Variants in PRELID2 observed in about 807,000 individuals in gnomAD.
The protein encoded by PRELID2 is PRELI domain containing 2.
PRELID2 carries 25 observed loss-of-function variants against 28.4 expected under a neutral mutation model. The ratio of observed to expected loss-of-function variants is 0.88; its 90% CI spans 0.64 to 1.23. The LOEUF (loss-of-function observed/expected upper bound fraction) is 1.23. Among genes scored for constraint, PRELID2 ranks in the 50% most tolerant of loss-of-function variants. PRELID2 has a pLI of 0.00. For synonymous variants in PRELID2, 76 were observed against 71.6 expected, an observed-to-expected ratio of 1.06 and a Z score of -0.31; for missense variants, 201 against 214.4, an observed-to-expected ratio of 0.94 and a Z score of 0.39.
the PRELID2 span, among the ~76,000 whole-genome samples, chr5:145,342,841 C>T: frequency 2.1e-5 from 3 of 142,768 alleles, no homozygotes; most frequent in Non-Finnish European, 4.5e-5. Context: ...CAAATGAATA[C>T]CAAAAGTGAG....
chr5:145,297,015 C>G, the PRELID2 span, among the ~76,000 whole-genome samples: 1 of 152,064 alleles, frequency 6.6e-6, no homozygotes, highest in African/African-American at 2.4e-5. Context: ...TGTTCATGTC[C>G]TTCGCCCACT....
the PRELID2 span, among the ~76,000 whole-genome samples, chr5:145,395,525 C>G: frequency 3.3e-5 from 5 of 152,228 alleles, no homozygotes; most frequent in South Asian, 1.0e-3. Context: ...GGGAGTAGTG[C>G]AAAGGAATCA....
At chr5:145,318,485 C>T in the PRELID2 span, among the ~76,000 whole-genome samples, 1 of 152,226 alleles carries the variant, frequency 6.6e-6, no homozygotes, top group Non-Finnish European at 1.5e-5. Flanking sequence ...AGGTTAATAA[C>T]ATGCCTTCGT....
At chr5:145,821,019 T>C in intron 2 of PRELID2, among the ~76,000 whole-genome samples, 1 of 152,108 alleles carries the variant, frequency 6.6e-6, no homozygotes, top group Non-Finnish European at 1.5e-5. Flanking sequence ...AGGAAGCTGC[T>C]GATCATCAGT....
intron 1 of PRELID2, among the ~76,000 whole-genome samples, chr5:145,537,446 T>A (rs1752708875): frequency 6.6e-6 from 1 of 151,894 alleles, no homozygotes. Context: ...AAACAGTATG[T>A]AAGTTTCCCC....
chr5:145,468,061 C>T (rs1048728373), downstream of PRELID2, among the ~76,000 whole-genome samples: 1 of 152,080 alleles, frequency 6.6e-6, no homozygotes, highest in African/African-American at 2.4e-5. Context: ...TGCTATCCCT[C>T]CCCGCTCTCC....
the PRELID2 span, among the ~76,000 whole-genome samples, chr5:145,415,248 T>G: frequency 6.6e-6 from 1 of 152,040 alleles, no homozygotes; most frequent in African/African-American, 2.4e-5. Context: ...GTTGTTGGTT[T>G]TGTTTTGTTT....
chr5:145,501,691 T>G (rs1752360958), intron 1 of PRELID2, among the ~76,000 whole-genome samples: 1 of 152,162 alleles, frequency 6.6e-6, no homozygotes, highest in Non-Finnish European at 1.5e-5. Context: ...CCTCTTTTTC[T>G]TTATAAATTA....
At chr5:145,547,239 C>T (rs535185660) in intron 1 of PRELID2, among the ~76,000 whole-genome samples, 5 of 152,248 alleles carry the variant, frequency 3.3e-5, no homozygotes, top group African/African-American at 1.2e-4. Flanking sequence ...CCTTAATCTT[C>T]ACGAAAAAGT....
At chr5:145,478,524 C>G (rs979406224) in intron 1 of PRELID2, among the ~76,000 whole-genome samples, 1 of 151,900 alleles carries the variant, frequency 6.6e-6, no homozygotes, top group Non-Finnish European at 1.5e-5. Flanking sequence ...ACTCTCCAGC[C>G]TGGGCAACAG....
chr5:145,350,278 A>C, the PRELID2 span, among the ~76,000 whole-genome samples: 2 of 152,208 alleles, frequency 1.3e-5, no homozygotes, highest in African/African-American at 4.8e-5. Flanking sequence ...TAAATGAGGC[A>C]TAGACTATCA....
chr5:145,667,178 GAAT>G (rs368265752), intron 1 of PRELID2, among the ~76,000 whole-genome samples: 199 of 152,190 alleles, frequency 1.3e-3, no homozygotes, highest in African/African-American at 4.7e-3. Flanking sequence ...AAGATTGTAT[GAAT>G]ATTAGCCTTT....
At chr5:145,706,913 C>G (rs932270676) in intron 1 of PRELID2, among the ~76,000 whole-genome samples, 1 of 152,182 alleles carries the variant, frequency 6.6e-6, no homozygotes, top group African/African-American at 2.4e-5. Flanking sequence ...GACTAAACAT[C>G]CTTTCCTAGG....
rs1755786236 is a variant in PRELID2, at chr5:145,714,351, C to A, written n.70+50580G>T. Among the ~76,000 whole-genome samples, 6 of 152,064 alleles carry A rather than the reference C, an allele frequency of 3.9e-5. No homozygotes were observed. The South Asian group carries it at 1.2e-3, about 31-fold the overall frequency. ...ACCAAACAAGAGCTAAGAAGAACTC[C>A]CCATGGGACTTCAAGGGAATAAGCT... On this transcript the variant is annotated intron_variant and non_coding_transcript_variant, in intron 1 of 2. Transcript: ENST00000510259.
At chr5:145,576,532 G>A (rs773624021) in intron 1 of PRELID2, among the ~76,000 whole-genome samples, 3 of 151,898 alleles carry the variant, frequency 2.0e-5, no homozygotes, top group Non-Finnish European at 4.4e-5. Flanking sequence ...TGGATGAGAG[G>A]GAAAATAATA....
chr5:145,828,229 T>G (rs1012803277), intron 1 of PRELID2, among the ~76,000 whole-genome samples: 12 of 152,182 alleles, frequency 7.9e-5, no homozygotes, highest in Non-Finnish European at 1.5e-4. Flanking sequence ...AGAGTTGTTA[T>G]AAGAATTAAA....
chr5:145,375,034 C>T, the PRELID2 span, among the ~76,000 whole-genome samples: 1 of 152,246 alleles, frequency 6.6e-6, no homozygotes, highest in Admixed American at 6.5e-5. Context: ...GCTGGAGAGA[C>T]ACTGTGATCA....
At chr5:145,445,083 A>G in the PRELID2 span, among the ~76,000 whole-genome samples, 4 of 152,096 alleles carry the variant, frequency 2.6e-5, no homozygotes, top group East Asian at 7.7e-4. Flanking sequence ...AGCAATCCTG[A>G]GCAAAAAGAA....
intron 1 of PRELID2, among the ~76,000 whole-genome samples, chr5:145,696,698 A>T (rs1006672897): frequency 6.6e-6 from 1 of 151,944 alleles, no homozygotes; most frequent in Admixed American, 6.6e-5. Flanking sequence ...TCTTGAGCTC[A>T]AGTGATCTGC....
Sources: allele counts gnomAD v4.1 joint callset (sites outside exome capture counted in the v4.1 genomes callset), GRCh38; gene constraint gnomAD v4.1.1; transcripts MANE v1.5; gene names NCBI Gene and HGNC (gene_info 2026-07-23, HGNC 2026-07-21).